The following LARGE1 variants were observed in gnomAD, a reference collection of about 807,000 sequenced individuals.
LARGE1 encodes xylosyl- and glucuronyltransferase LARGE1.
Under a neutral mutation model 87.6 loss-of-function variants are expected in LARGE1, and 43 were observed. The ratio of observed to expected loss-of-function variants is 0.49; its 90% CI spans 0.38 to 0.63. The LOEUF (loss-of-function observed/expected upper bound fraction) is 0.63. Among genes scored for constraint, LARGE1 ranks in the 30% least tolerant of loss-of-function variants. The pLI is 0.00. For missense variants in LARGE1, 802 were observed against 1,000.2 expected (o/e 0.80, Z 2.67); for synonymous variants, 434 against 394.6 (o/e 1.10, Z -1.18).
chr22:33,089,369 CTCCTT>C, the LARGE1 span, among the ~76,000 whole-genome samples: 7 of 58,118 alleles, frequency 1.2e-4, no homozygotes, highest in South Asian at 6.4e-4. Flanking sequence ...TCTTCTTCTT[CTCCTT>C]CTTCTTCTTC....
chr22:33,588,216 G>A (rs972896874), intron 5 of LARGE1, among the ~76,000 whole-genome samples: 2 of 152,174 alleles, frequency 1.3e-5, no homozygotes, highest in Admixed American at 1.3e-4. Flanking sequence ...CACTGCAGTG[G>A]CAAGTGAGAC....
intron 6 of LARGE1, among the ~76,000 whole-genome samples, chr22:33,564,072 G>GTT (rs1182306303): frequency 2.2e-4 from 34 of 152,234 alleles, no homozygotes; most frequent in African/African-American, 7.7e-4. Flanking sequence ...ACACAGAAGG[G>GTT]GCTAGCGTGC....
chr22:33,722,973 T>G (rs2083154911), intron 2 of LARGE1, among the ~76,000 whole-genome samples: 1 of 152,192 alleles, frequency 6.6e-6, no homozygotes, highest in Non-Finnish European at 1.5e-5. Context: ...ATGCGGTAAG[T>G]GAGCCACTAA....
intron 7 of LARGE1, among the ~76,000 whole-genome samples, chr22:33,430,445 C>G (rs1324982409): frequency 6.6e-6 from 1 of 152,322 alleles, no homozygotes; most frequent in Non-Finnish European, 1.5e-5. Flanking sequence ...AGGAACTCCT[C>G]AGACTTCCCC....
chr22:33,187,506 G>A (rs1434845641), intron 11 of LARGE1, among the ~76,000 whole-genome samples: 6 of 152,104 alleles, frequency 3.9e-5, no homozygotes, highest in African/African-American at 1.4e-4. Flanking sequence ...GGTGGGATGG[G>A]GTGGGGAAAT....
chr22:33,820,787 T>C (rs1462216342), intron 1 of LARGE1, among the ~76,000 whole-genome samples: 1 of 152,188 alleles, frequency 6.6e-6, no homozygotes, highest in African/African-American at 2.4e-5. Flanking sequence ...TGAACCAGGC[T>C]TGCTATATCC....
intron 2 of LARGE1, among the ~76,000 whole-genome samples, chr22:33,710,606 G>A (rs1008669836): frequency 2.0e-5 from 3 of 152,206 alleles, no homozygotes; most frequent in Admixed American, 6.5e-5. Context: ...ATTTAGACTG[G>A]ACACAATGGG....
chr22:33,464,361 C>G (rs902863150), intron 6 of LARGE1, among the ~76,000 whole-genome samples: 1 of 151,736 alleles, frequency 6.6e-6, no homozygotes, highest in Non-Finnish European at 1.5e-5. Context: ...CATGTAAGAC[C>G]GTAAAAAAAA....
intron 2 of LARGE1, among the ~76,000 whole-genome samples, chr22:33,747,247 G>A (rs550738641): frequency 2.1e-4 from 32 of 152,264 alleles, no homozygotes; most frequent in Non-Finnish European, 4.0e-4. Context: ...AGAGGCCAAG[G>A]TGCCAAGATC....
chr22:33,422,155 A>G (rs2066716265), intron 7 of LARGE1, among the ~76,000 whole-genome samples: 1 of 152,228 alleles, frequency 6.6e-6, no homozygotes, highest in Admixed American at 6.5e-5. Context: ...CGACTTTCAA[A>G]GCAGGCAGTG....
At chr22:33,089,400 T>TTCCTCTTC in the LARGE1 span, among the ~76,000 whole-genome samples, 1 of 128,600 alleles carries the variant, frequency 7.8e-6, no homozygotes, top group African/African-American at 3.1e-5. Context: ...CTTCTTCTTC[T>TTCCTCTTC]TTCTTCTTCT....
chr22:33,317,447 C>T (rs1225196950), intron 10 of LARGE1, among the ~76,000 whole-genome samples: 2 of 152,148 alleles, frequency 1.3e-5, no homozygotes, highest in East Asian at 3.9e-4. Flanking sequence ...TTCATTTCAC[C>T]TAAGTTTAAT....
intron 6 of LARGE1, among the ~76,000 whole-genome samples, chr22:33,484,255 G>A (rs2069468824): frequency 2.0e-5 from 3 of 152,042 alleles, no homozygotes; most frequent in Admixed American, 2.0e-4. Flanking sequence ...AGGTGCTATG[G>A]GTGATTCAAA....
At chr22:33,535,598 A>G (rs1000247198) in intron 6 of LARGE1, among the ~76,000 whole-genome samples, 2 of 152,268 alleles carry the variant, frequency 1.3e-5, no homozygotes, top group African/African-American at 2.4e-5. Flanking sequence ...CCAAAGAGGA[A>G]TATCTCCCTG....
intron 6 of LARGE1, among the ~76,000 whole-genome samples, chr22:33,458,172 T>C (rs993161643): frequency 1.3e-5 from 2 of 151,452 alleles, no homozygotes; most frequent in African/African-American, 4.9e-5. Context: ...AGTGGCATGA[T>C]CTCGGCTCAC....
chr22:33,173,484 C>G (rs1206801124), intron 11 of LARGE1, among the ~76,000 whole-genome samples: 1 of 152,122 alleles, frequency 6.6e-6, no homozygotes, highest in African/African-American at 2.4e-5. Flanking sequence ...CAAATTCACA[C>G]ATAGCAATAT....
chr22:33,410,287 G>C (rs2066262134), intron 7 of LARGE1, among the ~76,000 whole-genome samples: 1 of 152,086 alleles, frequency 6.6e-6, no homozygotes, highest in Non-Finnish European at 1.5e-5. Context: ...TGGGGAGGGA[G>C]CTAGAAAAAT....
chr22:33,913,891 G>A (rs532361769), intron 1 of LARGE1, among the ~76,000 whole-genome samples: 4 of 152,038 alleles, frequency 2.6e-5, no homozygotes. Flanking sequence ...TCCCAAAAGG[G>A]TCTATCATGA....
chr22:33,154,320 A>C, the LARGE1 span, among the ~76,000 whole-genome samples: 1 of 152,148 alleles, frequency 6.6e-6, no homozygotes, highest in African/African-American at 2.4e-5. Flanking sequence ...AGCTCACTGA[A>C]ACCTTTACCT....
Sources: allele counts gnomAD v4.1 joint callset (sites outside exome capture counted in the v4.1 genomes callset), GRCh38; gene constraint gnomAD v4.1.1; transcripts MANE v1.5; gene names NCBI Gene and HGNC (gene_info 2026-07-23, HGNC 2026-07-21).